Variants in DSC2 observed in about 807,000 individuals in gnomAD.
The protein encoded by DSC2 is desmocollin-2.
A neutral mutation model predicts 87.6 loss-of-function variants in DSC2; 51 were observed. The ratio of observed to expected loss-of-function variants is 0.58; its 90% CI spans 0.46 to 0.74. The LOEUF is 0.74. Ranked by LOEUF, DSC2 falls within the 30% of genes least tolerant of loss-of-function variation. The probability of loss-of-function intolerance (pLI) is 0.00; values close to 1 mark genes in which losing one functional copy is unlikely to be tolerated. For missense variants in DSC2, 1,066 were observed against 1,089.5 expected (o/e 0.98, Z 0.30); for synonymous variants, 383 against 393.2 (o/e 0.97, Z 0.31).
chr18:31,074,922 AT>A lies in DSC2; in HGVS notation c.1664-16del, dbSNP rs1199641702. 1 of 1,604,634 alleles carries A rather than the reference AT, an allele frequency of 6.2e-7. No homozygotes were observed. Among genetic ancestry groups the A allele is most frequent in the East Asian group, 2.3e-5 (1 of 44,366 alleles). ...TGTTCTCCCTCCTAGAAAAATGAAA[AT>A]AAAAATAGTTTTTCTATGTTTTGAG... On this transcript the variant is annotated splice_polypyrimidine_tract_variant and intron_variant, in intron 11 of 15. Transcript: ENST00000280904.
chr18:31,094,396 T>C (rs1414785461), intron 1 of DSC2, among the ~76,000 whole-genome samples: 1 of 152,228 alleles, frequency 6.6e-6, no homozygotes, highest in Non-Finnish European at 1.5e-5. Flanking sequence ...TATCTTCTCA[T>C]AAATAAAAGT....
At chr18:31,079,049 A>G (rs1361906918) in intron 11 of DSC2, among the ~76,000 whole-genome samples, 1 of 152,026 alleles carries the variant, frequency 6.6e-6, no homozygotes. Flanking sequence ...TTTTTATATA[A>G]TGTCTTTAAT....
chr18:31,101,232 C>T lies in DSC2; in HGVS notation c.69+671G>A, dbSNP rs73415516. 4 of 985,094 alleles carry T rather than the reference C, an allele frequency of 4.1e-6. 1 individual carries two copies. In the South Asian group the frequency reaches 1.9e-4, roughly 46 times the overall value. The allele number at this position is 985,094 out of a possible 1,614,324, so 61.0% of individuals were successfully genotyped here. On this transcript the variant is annotated intron_variant, in intron 1 of 15. Transcript: ENST00000280904. ...GTACAAATGCTCACCTAGGGCTCGC[C>T]GGTCGACAGTCCTCAGGAGCAAAGG...
At chr18:31,101,154 C>T (rs1324315087) in intron 1 of DSC2, 3 of 981,742 alleles carry the variant, frequency 3.1e-6, no homozygotes, top group East Asian at 2.3e-4. Flanking sequence ...ACCCTTCCTT[C>T]CTCCGAAGAT....
In DSC2 at chr18:31,061,522, G is replaced by C. The variant is rs1986501152; in HGVS notation, c.*6493C>G. The C allele has an allele frequency of 6.6e-6, 1 of 152,150 alleles. No homozygotes were observed. Among genetic ancestry groups the C allele is most frequent in the African/African-American group, 2.4e-5 (1 of 41,444 alleles). 9.4% of individuals were successfully genotyped at this position (152,150 alleles called of 1,614,324 possible). Reference sequence around the variant, plus strand: ...ATACCAAATGGCTTGAGAAGAATATGCTCCAAATCCATGACACAGTAAAAT... The same window carrying C: ...ATACCAAATGGCTTGAGAAGAATATCCTCCAAATCCATGACACAGTAAAAT... On this transcript the variant is annotated 3_prime_UTR_variant, in exon 16 of 16. Coordinates refer to ENST00000280904, the MANE Select transcript of DSC2 (RefSeq NM_024422.6).
At chr18:31,080,490 C>G in intron 9 of DSC2, 138 bp from the exon 10 acceptor site, 1 of 1,062,266 alleles carries the variant, frequency 9.4e-7, no homozygotes. Flanking sequence ...AACATATATC[C>G]AGTGATATGG....
rs1173583557 is a variant in DSC2 at position 31,062,550 on chromosome 18, C to T, written c.*5465G>A. 6.6e-6 allele frequency: 1 copy of T among 152,184 alleles called. No individual in the cohort carries two copies. Among genetic ancestry groups the T allele is most frequent in the Admixed American group, 6.5e-5 (1 of 15,268 alleles). The allele number at this position is 152,184 out of a possible 1,614,324, so 9.4% of individuals were successfully genotyped here. A position where few individuals can be genotyped will look rare whatever the true frequency, so the allele number is the denominator to read the frequency against. ...TCTGATCTTAGCCAGGTACCTAACA[C>T]ACATGTGCATTTATTCATTCATCCA... is the stretch of plus-strand genomic sequence containing the variant. On this transcript the variant is annotated 3_prime_UTR_variant, in exon 16 of 16. Coordinates refer to ENST00000280904, the MANE Select transcript of DSC2 (RefSeq NM_024422.6).
In DSC2 at chr18:31,101,991, T is replaced by TCG; in HGVS notation, c.-22_-21dup. ...CTCCATGGAGAGGGCTCGGGGCAGG[T>TCG]CGCGGGCCGAGCGTCGGGCCGGGGT... On this transcript the variant is annotated 5_prime_UTR_variant, in exon 1 of 16. Transcript: ENST00000280904. The TCG allele has an allele frequency of 6.7e-7, 1 of 1,491,678 alleles. No homozygotes were observed. The allele number at this position is 1,491,678 out of a possible 1,614,324, so 92.4% of individuals were successfully genotyped here. A position where few individuals can be genotyped will look rare whatever the true frequency, so the allele number is the denominator to read the frequency against.
intron 4 of DSC2, among the ~76,000 whole-genome samples, chr18:31,090,091 A>T (rs1987542221): frequency 6.6e-6 from 1 of 152,106 alleles, no homozygotes; most frequent in South Asian, 2.1e-4. Flanking sequence ...AAAAAAAAAT[A>T]TGAGTGAGAA....
chr18:31,070,986 G>A, intron 13 of DSC2, 136 bp from the exon 14 acceptor site: 1 of 1,078,950 alleles, frequency 9.3e-7, no homozygotes, highest in Non-Finnish European at 1.4e-6. Flanking sequence ...GATTGCTTGT[G>A]TCAAAGCAGT....
intron 12 of DSC2, 98 bp downstream of exon 12, chr18:31,074,584 TC>T: frequency 1.8e-6 from 2 of 1,121,594 alleles, no homozygotes; most frequent in Admixed American, 4.0e-5. Flanking sequence ...CATTGGTGTT[TC>T]CCACATGGTG....
rs201856473 is a variant in DSC2 at position 31,074,805 on chromosome 18, A to T, written c.1766T>A (p.Met589Lys). The T allele has an allele frequency of 1.9e-6, 3 of 1,613,984 alleles. No individual in the cohort carries two copies. Among genetic ancestry groups the T allele is most frequent in the Non-Finnish European group, 2.5e-6 (3 of 1,180,020 alleles). The change falls in exon 12 of 16, where the codon ATG (methionine) becomes AAG (lysine). Residue 589 changes from methionine to lysine, a missense_variant. Physicochemically the swap from Met to Lys is moderately conservative, Grantham distance 95 (BLOSUM62 -1). Coordinates refer to ENST00000280904, the MANE Select transcript of DSC2 (RefSeq NM_024422.6). ...KKTVIICKPT[M>K]SSAEIVAVDP... The stretch of plus-strand genomic sequence containing the variant: ...AACCGCAACAATCTCCGCAGATGAC[A>T]TGGTGGGTTTGCAGATGATCACTGT...
At chr18:31,096,687 T>C (rs1465980227) in intron 1 of DSC2, among the ~76,000 whole-genome samples, 1 of 152,134 alleles carries the variant, frequency 6.6e-6, no homozygotes, top group Non-Finnish European at 1.5e-5. Context: ...AAAATAAGAA[T>C]TGATAAGTAC....
At chr18:31,100,132 T>C (rs950336531) in intron 1 of DSC2, among the ~76,000 whole-genome samples, 4 of 152,206 alleles carry the variant, frequency 2.6e-5, no homozygotes, top group Admixed American at 2.6e-4. Flanking sequence ...TTGGCAGGGC[T>C]TTGCACAGAT....
At position 31,102,206 on chromosome 18, in the gene DSC2, C is replaced by T. The variant is rs1235487479; in HGVS notation, c.-235G>A. The stretch of plus-strand genomic sequence containing the variant: ...GGCTCCAGACGCGTCCAAAAGACAC[C>T]GATCGGCCCCTCCTTGTTGTCTATT... On this transcript the variant is annotated 5_prime_UTR_variant, in exon 1 of 16. Coordinates refer to ENST00000280904, the MANE Select transcript of DSC2 (RefSeq NM_024422.6). 1.4e-5 allele frequency: 6 copies of T among 439,814 alleles called. No homozygotes were observed. The highest frequency in any genetic ancestry group is 6.5e-5 in the African/African-American group (3 of 45,970). 27.2% of individuals were successfully genotyped at this position (439,814 alleles called of 1,614,324 possible). A position where few individuals can be genotyped will look rare whatever the true frequency, so the allele number is the denominator to read the frequency against.
intron 1 of DSC2, among the ~76,000 whole-genome samples, chr18:31,095,391 G>C (rs551918291): frequency 2.2e-4 from 34 of 152,272 alleles, no homozygotes; most frequent in African/African-American, 7.0e-4. Flanking sequence ...GCAAAGAGAA[G>C]CAACAGCCTG....
chr18:31,082,435 A>C lies in DSC2; in HGVS notation c.1078-12T>G. On this transcript the variant is annotated splice_polypyrimidine_tract_variant and intron_variant, in intron 8 of 15. Transcript: ENST00000280904. ...ACTGATGTCACATACTAAAATAATA[A>C]AAGCAAACAAAAAATTTCGTTAGTA... is the stretch of plus-strand genomic sequence containing the variant. 6.2e-7 allele frequency: 1 copy of C among 1,611,460 alleles called. No homozygotes were observed. Among genetic ancestry groups the C allele is most frequent in the East Asian group, 2.2e-5 (1 of 44,780 alleles).
chr18:31,099,886 T>C (rs1009617831), intron 1 of DSC2, among the ~76,000 whole-genome samples: 2 of 152,094 alleles, frequency 1.3e-5, no homozygotes, highest in African/African-American at 4.8e-5. Flanking sequence ...CCCCCCTTTT[T>C]GAGACAGGAT....
rs1356799680 is a variant in DSC2, at chr18:31,068,023, T to C, written c.2698A>G (p.Lys900Glu). 2 of 1,613,776 alleles carry C rather than the reference T, an allele frequency of 1.2e-6. No individual in the cohort carries two copies. The highest frequency in any genetic ancestry group is 1.7e-5 in the Admixed American group (1 of 59,984). ...KFRTLAEACMKR is the reference protein window; with the variant it reads ...KFRTLAEACMER The stretch of plus-strand genomic sequence containing the variant: ...GACTTATTAGAACACACTCATCTCT[T>C]CATGCATGCTTCTGCTAGTGTCCTA... The change falls in exon 16 of 16, where the codon AAG becomes GAG. Residue 900 changes from lysine to glutamate, a missense_variant. Transcript: ENST00000280904.
Sources: allele counts gnomAD v4.1 joint callset (sites outside exome capture counted in the v4.1 genomes callset), GRCh38; gene constraint gnomAD v4.1.1; transcripts MANE v1.5; gene names NCBI Gene and HGNC (gene_info 2026-07-23, HGNC 2026-07-21).